HMGN4: variants seen among roughly 807,000 people sequenced by gnomAD.
HMGN4 encodes high mobility group nucleosome-binding domain-containing protein 4.
For synonymous variants in HMGN4, 39 were observed against 39.1 expected (o/e 1.00, Z 0.01); for missense variants, 69 against 104.9 (o/e 0.66, Z 1.49).
At position 26,546,284 on chromosome 6, in the gene HMGN4, A is replaced by G. The variant is rs763034341; in HGVS notation, c.*805A>G. ...TCCTTTCCTACCCAAAGTCATAAAT[A>G]TATTCTTTACTGCCTTGTGGAAATT... is the stretch of plus-strand genomic sequence containing the variant. On this transcript the variant is annotated 3_prime_UTR_variant, in exon 2 of 2. Transcript: ENST00000377575. The G allele has an allele frequency of 1.9e-4, 31 of 167,068 alleles. No individual in the cohort carries two copies. The highest frequency in any genetic ancestry group is 4.3e-4 in the Non-Finnish European group (29 of 68,126). The allele number at this position is 167,068 out of a possible 1,614,324, so 10.3% of individuals were successfully genotyped here. A position where few individuals can be genotyped will look rare whatever the true frequency, so the allele number is the denominator to read the frequency against.
chr6:26,545,556 A>G lies in HMGN4; in HGVS notation c.*77A>G. The G allele has an allele frequency of 7.1e-7, 1 of 1,411,724 alleles. No homozygotes were observed. The highest frequency in any genetic ancestry group is 9.4e-7 in the Non-Finnish European group (1 of 1,059,726). The allele number at this position is 1,411,724 out of a possible 1,614,324, so 87.4% of individuals were successfully genotyped here. ...ACTATTTTTTTAAATCAAGTTTTAT[A>G]AAAGTGTAGAATTTTGGCTTTTTTA... On this transcript the variant is annotated 3_prime_UTR_variant, in exon 2 of 2. Coordinates refer to ENST00000377575, the MANE Select transcript of HMGN4 (RefSeq NM_006353.3).
Position 26,546,831 on chromosome 6 carries a change from A to G in HMGN4, c.*1352A>G, listed in dbSNP as rs2113586279. On this transcript the variant is annotated 3_prime_UTR_variant, in exon 2 of 2. Coordinates refer to ENST00000377575, the MANE Select transcript of HMGN4 (RefSeq NM_006353.3). ...AATTTATAGATTAATCTGGTAAACCATGTCATCTTTACAATGTTGTCTTCC... is the reference window on the plus strand; with the variant it reads ...AATTTATAGATTAATCTGGTAAACCGTGTCATCTTTACAATGTTGTCTTCC... Among the ~76,000 whole-genome samples the G allele has an allele frequency of 6.6e-6, 1 of 152,360 alleles. No individual in the cohort carries two copies. Among genetic ancestry groups the G allele is most frequent in the South Asian group, 2.1e-4 (1 of 4,832 alleles).
intron 1 of HMGN4, among the ~76,000 whole-genome samples, chr6:26,538,752 C>T (rs1298344121): frequency 6.6e-6 from 1 of 152,144 alleles, no homozygotes; most frequent in Non-Finnish European, 1.5e-5. Context: ...GCAGGCCCGA[C>T]CGGGATGAGA....
intron 1 of HMGN4, among the ~76,000 whole-genome samples, chr6:26,539,578 A>G (rs1253268233): frequency 6.7e-6 from 1 of 149,214 alleles, no homozygotes; most frequent in Non-Finnish European, 1.5e-5. Flanking sequence ...ACCGAATGTG[A>G]TATTTTTATG....
chr6:26,538,734 A>G (rs1764250609), intron 1 of HMGN4, among the ~76,000 whole-genome samples: 1 of 152,206 alleles, frequency 6.6e-6, no homozygotes, highest in South Asian at 2.1e-4. Flanking sequence ...GTGGGGTCAC[A>G]GAGAGCCGCA....
chr6:26,541,468 G>T (rs1053912227), intron 1 of HMGN4, among the ~76,000 whole-genome samples: 1 of 152,196 alleles, frequency 6.6e-6, no homozygotes. Flanking sequence ...CCAAGATCAA[G>T]ATGTCGGCAG....
chr6:26,545,698 TC>T lies in HMGN4; in HGVS notation c.*221del, dbSNP rs1347540426. ...AAATAAGGGAAAATAGGATTTTCTG[TC>T]CTGGTTTTTGAAGATTGTTCTTGAT... On this transcript the variant is annotated 3_prime_UTR_variant, in exon 2 of 2. Coordinates refer to ENST00000377575, the MANE Select transcript of HMGN4 (RefSeq NM_006353.3). The T allele has an allele frequency of 6.5e-6, 2 of 306,144 alleles. No homozygotes were observed. The highest frequency in any genetic ancestry group is 1.3e-5 in the Non-Finnish European group (2 of 159,180). 19.0% of individuals were successfully genotyped at this position (306,144 alleles called of 1,614,324 possible).
intron 1 of HMGN4, among the ~76,000 whole-genome samples, chr6:26,541,849 A>G (rs886744123): frequency 3.9e-5 from 6 of 152,222 alleles, no homozygotes; most frequent in African/African-American, 1.4e-4. Flanking sequence ...GTTCTGTGCA[A>G]TGAAGACGAG....
chr6:26,544,695 A>G (rs1764327765), intron 1 of HMGN4, among the ~76,000 whole-genome samples: 1 of 152,222 alleles, frequency 6.6e-6, no homozygotes, highest in African/African-American at 2.4e-5. Flanking sequence ...ACAGCAGTAC[A>G]TAAGGGTTTT....
chr6:26,545,175 T>G lies in HMGN4; in HGVS notation c.-32T>G. 6.4e-7 allele frequency: 1 copy of G among 1,555,624 alleles called. No homozygotes were observed. The highest frequency in any genetic ancestry group is 8.7e-7 in the Non-Finnish European group (1 of 1,151,772). On this transcript the variant is annotated 5_prime_UTR_variant, in exon 2 of 2. Transcript: ENST00000377575. ...GGAGGACAGAAGCACCCAACAGGAC[T>G]GCTCAAGCCACCTGCGAACACTGCT...
chr6:26,545,374 A>G lies in HMGN4; in HGVS notation c.168A>G (p.Arg56=). 2 of 1,614,080 alleles carry G rather than the reference A, an allele frequency of 1.2e-6. No individual in the cohort carries two copies. The highest frequency in any genetic ancestry group is 1.7e-6 in the Non-Finnish European group (2 of 1,179,988). The change falls in exon 2 of 2, where the codon AGA becomes AGG. Residue 56 remains arginine (R), a synonymous_variant. Transcript: ENST00000377575. ...AKKGEKLPKG[R]KGKADAGKDG... ...AGGGAGAGAAGCTTCCCAAAGGGAGAAAGGGGAAAGCAGATGCTGGAAAGG... is the reference window on the plus strand; with the variant it reads ...AGGGAGAGAAGCTTCCCAAAGGGAGGAAGGGGAAAGCAGATGCTGGAAAGG...
At position 26,546,406 on chromosome 6, in the gene HMGN4, G is replaced by A. The variant is rs1252556896; in HGVS notation, c.*927G>A. On this transcript the variant is annotated 3_prime_UTR_variant, in exon 2 of 2. Transcript: ENST00000377575. ...ATTCAACTTAACATTTTTCATATTC[G>A]AAGTGGTTGTCTCTGCACTATTTAC... Among the ~76,000 whole-genome samples, 3 of 152,076 alleles carry A rather than the reference G, an allele frequency of 2.0e-5. No individual in the cohort carries two copies. The highest frequency in any genetic ancestry group is 6.6e-5 in the Admixed American group (1 of 15,256).
intron 1 of HMGN4, among the ~76,000 whole-genome samples, chr6:26,540,901 G>A (rs1764280907): frequency 6.6e-6 from 1 of 152,174 alleles, no homozygotes; most frequent in Admixed American, 6.5e-5. Flanking sequence ...GTGTTTGCTA[G>A]GGATGAGGTG....
Position 26,545,580 on chromosome 6 carries a change from T to C in HMGN4, c.*101T>C, listed in dbSNP as rs1259542317. The C allele has an allele frequency of 4.3e-6, 5 of 1,173,944 alleles. No individual in the cohort carries two copies. Among genetic ancestry groups the C allele is most frequent in the Middle Eastern group, 5.8e-4 (2 of 3,426 alleles). 72.7% of individuals were successfully genotyped at this position (1,173,944 alleles called of 1,614,324 possible). A position where few individuals can be genotyped will look rare whatever the true frequency, so the allele number is the denominator to read the frequency against. On this transcript the variant is annotated 3_prime_UTR_variant, in exon 2 of 2. Coordinates refer to ENST00000377575, the MANE Select transcript of HMGN4 (RefSeq NM_006353.3). ...TAAAAGTGTAGAATTTTGGCTTTTT[T>C]AAGTTATGTTGTTAGCACACAGGAC...
At chr6:26,543,384 A>G (rs1019335852) in intron 1 of HMGN4, among the ~76,000 whole-genome samples, 2 of 142,664 alleles carry the variant, frequency 1.4e-5, no homozygotes, top group South Asian at 4.9e-4. Flanking sequence ...AGGTGTAGTT[A>G]GATCAGTAGA....
At chr6:26,539,593 T>C (rs1242814770) in intron 1 of HMGN4, among the ~76,000 whole-genome samples, 1 of 125,772 alleles carries the variant, frequency 8.0e-6, no homozygotes, top group East Asian at 2.3e-4. Flanking sequence ...TTTATGACCA[T>C]GAGAAAAGAA....
chr6:26,540,730 C>A (rs75908958), intron 1 of HMGN4, among the ~76,000 whole-genome samples: 6,080 of 152,264 alleles, frequency 0.04, 134 homozygotes, highest in Middle Eastern at 0.062. Context: ...TTCCCTCCAA[C>A]CCCCAAACAC....
rs1424511784 is a variant in HMGN4, at chr6:26,542,441, G to A, written c.-80-2686G>A. ...TATGAAGTTCTGTGGGTTTTGTCAAGTGCATAACATCTACCATTTTATAAT... is the reference window on the plus strand; with the variant it reads ...TATGAAGTTCTGTGGGTTTTGTCAAATGCATAACATCTACCATTTTATAAT... On this transcript the variant is annotated intron_variant, in intron 1 of 1. Coordinates refer to ENST00000377575, the MANE Select transcript of HMGN4 (RefSeq NM_006353.3). The surrounding 1 kb of genome is among the most constrained non-coding windows in gnomAD (Gnocchi z 4.6). Among the ~76,000 whole-genome samples the A allele has an allele frequency of 1.3e-5, 2 of 152,150 alleles. No individual in the cohort carries two copies. The highest frequency in any genetic ancestry group is 2.4e-5 in the African/African-American group (1 of 41,422).
intron 1 of HMGN4, among the ~76,000 whole-genome samples, chr6:26,538,882 G>A (rs1030486249): frequency 3.3e-5 from 5 of 152,216 alleles, no homozygotes; most frequent in African/African-American, 1.2e-4. Context: ...CTGACCTGCC[G>A]TGGGCTCTCC....
Sources: allele counts gnomAD v4.1 joint callset (sites outside exome capture counted in the v4.1 genomes callset), GRCh38; gene constraint gnomAD v4.1.1; non-coding constraint Gnocchi (gnomAD v3.1); transcripts MANE v1.5; gene names NCBI Gene and HGNC (gene_info 2026-07-23, HGNC 2026-07-21).